RSRC2: variants seen among roughly 807,000 people sequenced by gnomAD.
RSRC2 encodes the protein arginine/serine-rich coiled-coil protein 2.
Under a neutral mutation model 61.3 loss-of-function variants are expected in RSRC2, and 5 were observed. The observed-to-expected ratio is 0.08, with a 90% CI of 0.04 to 0.17. The LOEUF (loss-of-function observed/expected upper bound fraction) is 0.17, where lower values mean the gene tolerates loss of function less well. Ranked by LOEUF, RSRC2 falls within the 10% of genes least tolerant of loss-of-function variation. RSRC2 has a pLI of 1.00. For synonymous variants in RSRC2, 202 were observed against 166.5 expected (o/e 1.21, Z -1.64); for missense variants, 381 against 518.8 (o/e 0.73, Z 2.58).
chr12:122,526,910 G>C lies in RSRC2; in HGVS notation c.-57C>G, dbSNP rs539107811. On this transcript the variant is annotated 5_prime_UTR_variant, in exon 1 of 10. Coordinates refer to ENST00000331738, the MANE Select transcript of RSRC2 (RefSeq NM_023012.6). Reference sequence around the variant, plus strand: ...TCCACTTGTCGCTTTCAACAGTACCGGCCGCTCCGAAGCTTCGCCTCAGAC... The same window carrying C: ...TCCACTTGTCGCTTTCAACAGTACCCGCCGCTCCGAAGCTTCGCCTCAGAC... 1.0e-5 allele frequency: 16 copies of C among 1,606,384 alleles called. No individual in the cohort carries two copies. Among genetic ancestry groups the C allele is most frequent in the Non-Finnish European group, 6.8e-6 (8 of 1,173,432 alleles).
At chr12:122,524,090 T>G (rs1166386895) in intron 1 of RSRC2, among the ~76,000 whole-genome samples, 1 of 152,196 alleles carries the variant, frequency 6.6e-6, no homozygotes, top group Non-Finnish European at 1.5e-5. Context: ...TTTCACCCCT[T>G]AGAATAGAGT....
At chr12:122,526,507 G>A (rs1050451446) in intron 1 of RSRC2, among the ~76,000 whole-genome samples, 5 of 151,762 alleles carry the variant, frequency 3.3e-5, no homozygotes, top group Admixed American at 6.6e-5. Context: ...TTTCTCCACC[G>A]CAAATTCTCA....
At chr12:122,517,489 A>G (rs1188650142) in intron 4 of RSRC2, 59 bp from the exon 5 acceptor site, 2 of 1,601,412 alleles carry the variant, frequency 1.2e-6, no homozygotes, top group African/African-American at 2.7e-5. Flanking sequence ...TCATTTATAC[A>G]CATCATGAAT....
At chr12:122,516,438 G>C (rs965375303) in intron 5 of RSRC2, among the ~76,000 whole-genome samples, 1 of 152,144 alleles carries the variant, frequency 6.6e-6, no homozygotes, top group Non-Finnish European at 1.5e-5. Flanking sequence ...GCACATGCAT[G>C]GAATTTGCAT....
Position 122,505,515 on chromosome 12 carries a change from G to A in RSRC2, c.*12C>T, listed in dbSNP as rs1228009284. The A allele has an allele frequency of 1.2e-6, 2 of 1,612,038 alleles. No individual in the cohort carries two copies. The highest frequency in any genetic ancestry group is 1.3e-5 in the African/African-American group (1 of 74,984). ...AGTCTATAAGTCCCAAACTTTACAA[G>A]TGTGATCATTTTCAAACTGCATCCA... On this transcript the variant is annotated 3_prime_UTR_variant, in exon 10 of 10. Coordinates refer to ENST00000331738, the MANE Select transcript of RSRC2 (RefSeq NM_023012.6).
intron 4 of RSRC2, 134 bp downstream of exon 4, chr12:122,518,705 C>CA: frequency 1.3e-6 from 1 of 764,586 alleles, no homozygotes; most frequent in Non-Finnish European, 2.2e-6. Context: ...AGGCAAAAAA[C>CA]AAACAAAACC....
intron 1 of RSRC2, chr12:122,523,542 T>C (rs1435853989): frequency 2.6e-5 from 4 of 152,132 alleles, no homozygotes; most frequent in African/African-American, 9.7e-5. Context: ...CAAAAATATT[T>C]ACCGTCTGGC....
At chr12:122,525,437 G>A (rs1356145142) in intron 1 of RSRC2, among the ~76,000 whole-genome samples, 6 of 152,138 alleles carry the variant, frequency 3.9e-5, no homozygotes, top group East Asian at 3.9e-4. Flanking sequence ...AGTATACTGA[G>A]GCCCAAAACA....
At position 122,504,619 on chromosome 12, in the gene RSRC2, T is replaced by C. The variant is rs1217864774; in HGVS notation, c.*908A>G. The C allele has an allele frequency of 1.3e-5, 2 of 152,292 alleles. No homozygotes were observed. Among genetic ancestry groups the C allele is most frequent in the African/African-American group, 2.4e-5 (1 of 41,412 alleles). The allele number at this position is 152,292 out of a possible 1,614,324, so 9.4% of individuals were successfully genotyped here. ...ACCCAGTTTAGGCAACAGAGCAAGA[T>C]CCTGTCTCAAAAAAACAAACAAAAA... is the stretch of plus-strand genomic sequence containing the variant. On this transcript the variant is annotated 3_prime_UTR_variant, in exon 10 of 10. Coordinates refer to ENST00000331738, the MANE Select transcript of RSRC2 (RefSeq NM_023012.6).
chr12:122,505,790 T>A (rs1958075686), intron 9 of RSRC2, 84 bp from the exon 10 acceptor site: 1 of 1,253,734 alleles, frequency 8.0e-7, no homozygotes, highest in East Asian at 2.4e-5. Flanking sequence ...ATGTATTTTT[T>A]TTTTTTGAGA....
At chr12:122,512,921 G>A (rs1958634189) in intron 6 of RSRC2, among the ~76,000 whole-genome samples, 1 of 152,074 alleles carries the variant, frequency 6.6e-6, no homozygotes, top group Non-Finnish European at 1.5e-5. Context: ...GGCTTGGCAA[G>A]GTGGCTCATG....
At chr12:122,521,558 G>A (rs1320116036) in intron 2 of RSRC2, 130 bp from the exon 3 acceptor site, 12 of 734,524 alleles carry the variant, frequency 1.6e-5, no homozygotes, top group South Asian at 4.7e-5. Flanking sequence ...TTCATGGCAC[G>A]GGTGGGATTA....
intron 1 of RSRC2, chr12:122,526,336 A>G (rs185387005): frequency 1.7e-4 from 26 of 157,386 alleles, no homozygotes; most frequent in Admixed American, 7.7e-4. Context: ...ACGGACGAAC[A>G]CTAATTGAAA....
Position 122,526,933 on chromosome 12 carries a change from G to T in RSRC2, c.-80C>A. On this transcript the variant is annotated 5_prime_UTR_variant, in exon 1 of 10. It adds an upstream start codon to the 5' untranslated region. Transcript: ENST00000331738. ...CCGGCCGCTCCGAAGCTTCGCCTCA[G>T]ACTAAATCGCTCGCGCGAGAGACCC... is the stretch of plus-strand genomic sequence containing the variant. The T allele has an allele frequency of 3.2e-6, 5 of 1,545,328 alleles. No homozygotes were observed. The highest frequency in any genetic ancestry group is 4.5e-6 in the Non-Finnish European group (5 of 1,118,742).
At chr12:122,506,027 C>T (rs1366553074) in intron 9 of RSRC2, among the ~76,000 whole-genome samples, 4 of 152,110 alleles carry the variant, frequency 2.6e-5, no homozygotes, top group Non-Finnish European at 5.9e-5. Context: ...ATCCCCCCTG[C>T]CGCCTGCCCC....
intron 6 of RSRC2, chr12:122,513,672 T>C (rs1295029693): frequency 8.9e-6 from 3 of 338,052 alleles, no homozygotes. Flanking sequence ...AGAAAGAAGA[T>C]ACGTGTGACT....
In RSRC2 at chr12:122,517,286, G is replaced by A. The variant is rs1370424660; in HGVS notation, c.543C>T (p.Arg181=). Residue 181 remains arginine (R), a synonymous_variant, in exon 5 of 10, where the codon CGC becomes CGT. Coordinates refer to ENST00000331738, the MANE Select transcript of RSRC2 (RefSeq NM_023012.6). ...TCCTATGCCTGTGTCTTGATCTTGA[G>A]CGGGAACGAGACCTGATCCGCCGTT... ...ERKRRIRSRS[R]SRSRHRHRTR... is the part of the protein sequence containing the mutation. 1 of 1,614,064 alleles carries A rather than the reference G, an allele frequency of 6.2e-7. No individual in the cohort carries two copies. Among genetic ancestry groups the A allele is most frequent in the East Asian group, 2.2e-5 (1 of 44,874 alleles).
intron 6 of RSRC2, chr12:122,514,710 ACT>A (rs1243505865): frequency 8.6e-7 from 1 of 1,159,394 alleles, no homozygotes; most frequent in Non-Finnish European, 1.1e-6. Context: ...AATTTTACTT[ACT>A]GTTTCAGGTA....
chr12:122,518,857 C>T lies in RSRC2; in HGVS notation c.380G>A (p.Arg127Lys). 7 of 1,613,978 alleles carry T rather than the reference C, an allele frequency of 4.3e-6. No individual in the cohort carries two copies. The highest frequency in any genetic ancestry group is 5.9e-6 in the Non-Finnish European group (7 of 1,179,886). ...GACTTACCTTTCACGAGACCTAGAT[C>T]TTGAGTGACTTCTGCCTCTTGATGA... ...RKSSRGRSHS[R>K]SRSRERRHRS... The change falls in exon 4 of 10, where the codon AGA (arginine) becomes AAA (lysine). Residue 127 changes from arginine to lysine, a missense_variant. Coordinates refer to ENST00000331738, the MANE Select transcript of RSRC2 (RefSeq NM_023012.6).
Sources: gnomAD v4.1 joint callset for allele counts (sites outside exome capture counted in the v4.1 genomes callset) on GRCh38, gnomAD v4.1.1 for gene constraint, MANE v1.5 for transcripts, NCBI Gene and HGNC (gene_info 2026-07-23, HGNC 2026-07-21) for gene names.